Variants in HTRA1 observed in about 807,000 individuals in gnomAD.
HTRA1 encodes the protein serine protease HTRA1.
Under a neutral mutation model 49.7 loss-of-function variants are expected in HTRA1, and 26 were observed. The ratio of observed to expected loss-of-function variants is 0.52; its 90% CI spans 0.38 to 0.73. The LOEUF is 0.73. Ranked by LOEUF, HTRA1 falls within the 30% of genes least tolerant of loss-of-function variation. HTRA1 has a pLI of 0.00. For synonymous variants in HTRA1, 291 were observed against 286.9 expected (o/e 1.01, Z -0.14); for missense variants, 561 against 667.2 (o/e 0.84, Z 1.75).
intron 3 of HTRA1, among the ~76,000 whole-genome samples, chr10:122,504,655 G>T (rs918340682): frequency 4.6e-5 from 7 of 152,216 alleles, no homozygotes; most frequent in African/African-American, 1.7e-4. Flanking sequence ...CAGTGTCCCT[G>T]GTGGACCTCC....
chr10:122,461,728 C>G lies in HTRA1; in HGVS notation c.76C>G (p.Arg26Gly), dbSNP rs1221335148. ...GGCGCCCGCCTCGGCGCAGCTGTCC[C>G]GGGCCGGCCGCTCGGCGCCTTTGGC... is the stretch of plus-strand genomic sequence containing the variant. ...LAAPASAQLS[R>G]AGRSAPLAAG... Residue 26 changes from arginine to glycine, a missense_variant, in exon 1 of 9, where the codon CGG (arginine) becomes GGG (glycine). By Grantham distance (125) the Arg-to-Gly change is moderately radical. Around this residue, in one of 3 missense-constraint regions of HTRA1, gnomAD observed 111 missense variants for 83.7 expected, o/e 1.33. Transcript: ENST00000368984. 1 of 1,181,512 alleles carries G rather than the reference C, an allele frequency of 8.5e-7. No individual in the cohort carries two copies. The allele number at this position is 1,181,512 out of a possible 1,614,324, so 73.2% of individuals were successfully genotyped here.
rs1426279506 is a variant in HTRA1, at chr10:122,464,142, T to C, written c.472+2018T>C. On this transcript the variant is annotated intron_variant, in intron 1 of 8. Coordinates refer to ENST00000368984, the MANE Select transcript of HTRA1 (RefSeq NM_002775.5). The surrounding 1 kb of genome is among the most constrained non-coding windows in gnomAD (Gnocchi z 4.8). ...GTGAGGCGACAACATTGAAAAAGCATGTTTTTGTCCAAAACAAGCCAGCTG... is the reference window on the plus strand; with the variant it reads ...GTGAGGCGACAACATTGAAAAAGCACGTTTTTGTCCAAAACAAGCCAGCTG... Among the ~76,000 whole-genome samples, 1 of 152,204 alleles carries C rather than the reference T, an allele frequency of 6.6e-6. No individual in the cohort carries two copies. The highest frequency in any genetic ancestry group is 6.5e-5 in the Admixed American group (1 of 15,276).
At chr10:122,462,696 G>A (rs1280390555) in intron 1 of HTRA1, among the ~76,000 whole-genome samples, 1 of 152,240 alleles carries the variant, frequency 6.6e-6, no homozygotes, top group Non-Finnish European at 1.5e-5. Flanking sequence ...AGCAGGGAAC[G>A]GTTTGGCACC....
chr10:122,489,770 T>G (rs1275938362), intron 3 of HTRA1, 144 bp downstream of exon 3: 1 of 782,968 alleles, frequency 1.3e-6, no homozygotes, highest in Admixed American at 2.0e-5. Context: ...CTTGAGGAGA[T>G]GCTGAGTATG....
Position 122,514,420 on chromosome 10 carries a change from G to A in HTRA1, c.*61G>A. ...AGACTCTCCCGTGGATGACGGATGA[G>A]GACTCTGGGCTGCTGGAATAGGACA... On this transcript the variant is annotated 3_prime_UTR_variant, in exon 9 of 9. Coordinates refer to ENST00000368984, the MANE Select transcript of HTRA1 (RefSeq NM_002775.5). The A allele has an allele frequency of 6.5e-7, 1 of 1,546,054 alleles. No homozygotes were observed. The highest frequency in any genetic ancestry group is 1.1e-5 in the South Asian group (1 of 89,376).
chr10:122,462,035 A>T lies in HTRA1; in HGVS notation c.383A>T (p.Asn128Ile). 1 of 1,532,878 alleles carries T rather than the reference A, an allele frequency of 6.5e-7. No individual in the cohort carries two copies. The highest frequency in any genetic ancestry group is 1.2e-5 in the South Asian group (1 of 83,902). 95.0% of individuals were successfully genotyped at this position (1,532,878 alleles called of 1,614,324 possible). A position where few individuals can be genotyped will look rare whatever the true frequency, so the allele number is the denominator to read the frequency against. ...VCGSDANTYA[N>I]LCQLRAASRR... ...GGCAGCGACGCCAACACCTACGCCA[A>T]CCTGTGCCAGCTGCGCGCCGCCAGC... The change falls in exon 1 of 9, where the codon AAC (asparagine) becomes ATC (isoleucine). Residue 128 changes from asparagine (N) to isoleucine (I), a missense_variant. Physicochemically the swap from Asn to Ile is moderately radical, Grantham distance 149. This residue lies in a region of HTRA1 where 271 missense variants were observed against 410.0 expected (regional missense o/e 0.66). Coordinates refer to ENST00000368984, the MANE Select transcript of HTRA1 (RefSeq NM_002775.5).
Position 122,509,980 on chromosome 10 carries a change from G to GT in HTRA1, c.1121-115dup, listed in dbSNP as rs2097504864. On this transcript the variant is annotated intron_variant, in intron 6 of 8. Transcript: ENST00000368984. ...GACCAGGATTTGAGCCGCAACCTCA[G>GT]TGTACCCTTCTGTGGCCCTTCCTGC... The GT allele has an allele frequency of 1.4e-5, 12 of 834,592 alleles. No homozygotes were observed. In the Admixed American group the frequency reaches 2.2e-4, roughly 15 times the overall value. The allele number at this position is 834,592 out of a possible 1,614,324, so 51.7% of individuals were successfully genotyped here. A position where few individuals can be genotyped will look rare whatever the true frequency, so the allele number is the denominator to read the frequency against.
chr10:122,490,853 T>C lies in HTRA1; in HGVS notation c.777+1227T>C, dbSNP rs899562990. Among the ~76,000 whole-genome samples, 16 of 152,308 alleles carry C rather than the reference T, an allele frequency of 1.1e-4. No homozygotes were observed. The highest frequency in any genetic ancestry group is 3.4e-4 in the African/African-American group (14 of 41,556). On this transcript the variant is annotated intron_variant, in intron 3 of 8. Coordinates refer to ENST00000368984, the MANE Select transcript of HTRA1 (RefSeq NM_002775.5). The surrounding 1 kb of genome is among the most constrained non-coding windows in gnomAD (Gnocchi z 4.2). ...TTATAACATCAAGTTGCTGCCCAGC[T>C]CAGGCTCCTTTACGGCCAGTCTTCA...
chr10:122,463,165 G>A (rs1282047238), intron 1 of HTRA1, among the ~76,000 whole-genome samples: 1 of 152,274 alleles, frequency 6.6e-6, no homozygotes, highest in African/African-American at 2.4e-5. Context: ...GGGCATAGGG[G>A]AGCACAGTGC....
Position 122,506,964 on chromosome 10 carries a change from C to T in HTRA1, c.972+79C>T. ...AGAGGAGTCAGCATAGGTCTTAGCC[C>T]CTGACTTTGTTGTAGTCTGCGTGAA... is the stretch of plus-strand genomic sequence containing the variant. On this transcript the variant is annotated intron_variant, in intron 4 of 8. Transcript: ENST00000368984. The surrounding 1 kb of genome is among the most constrained non-coding windows in gnomAD (Gnocchi z 5.2). 7.7e-7 allele frequency: 1 copy of T among 1,306,330 alleles called. No individual in the cohort carries two copies. Among genetic ancestry groups the T allele is most frequent in the Non-Finnish European group, 1.1e-6 (1 of 919,544 alleles). The allele number at this position is 1,306,330 out of a possible 1,614,324, so 80.9% of individuals were successfully genotyped here.
Position 122,506,423 on chromosome 10 carries a change from C to T in HTRA1, c.778-268C>T, listed in dbSNP as rs1365961006. On this transcript the variant is annotated intron_variant, in intron 3 of 8. Coordinates refer to ENST00000368984, the MANE Select transcript of HTRA1 (RefSeq NM_002775.5). This position sits in a 1 kb window ranked among gnomAD's most constrained non-coding sequence, Gnocchi z 5.2. ...ATGTGATGAGACCCCGACTTGGCCT[C>T]CAGTTACCTCCCCACGGTTTCCTTG... Among the ~76,000 whole-genome samples the T allele has an allele frequency of 6.6e-6, 1 of 152,168 alleles. No individual in the cohort carries two copies. The highest frequency in any genetic ancestry group is 2.4e-5 in the African/African-American group (1 of 41,438).
At chr10:122,486,726 G>A (rs1417343900) in intron 1 of HTRA1, among the ~76,000 whole-genome samples, 1 of 150,178 alleles carries the variant, frequency 6.7e-6, no homozygotes, top group African/African-American at 2.4e-5. Context: ...TGCCACTCTA[G>A]TGATGAGAGA....
chr10:122,503,236 T>G (rs1222144809), intron 3 of HTRA1, among the ~76,000 whole-genome samples: 1 of 152,246 alleles, frequency 6.6e-6, no homozygotes, highest in Non-Finnish European at 1.5e-5. Flanking sequence ...ATATCTGTGC[T>G]GCATCTCTTC....
intron 7 of HTRA1, 63 bp downstream of exon 7, chr10:122,510,216 T>C: frequency 3.7e-6 from 5 of 1,346,468 alleles, no homozygotes; most frequent in South Asian, 1.2e-5. Flanking sequence ...CAGAAGGTGC[T>C]CACGGGCACC....
At chr10:122,500,541 G>A (rs2097500454) in intron 3 of HTRA1, among the ~76,000 whole-genome samples, 2 of 152,204 alleles carry the variant, frequency 1.3e-5, no homozygotes, top group African/African-American at 4.8e-5. Context: ...ATAGGACCAA[G>A]ACCCAGCCCA....
intron 3 of HTRA1, among the ~76,000 whole-genome samples, chr10:122,501,669 C>T (rs1371522084): frequency 6.6e-6 from 1 of 152,080 alleles, no homozygotes; most frequent in African/African-American, 2.4e-5. Flanking sequence ...GTGCTGAGGT[C>T]GCTGCTTGAT....
intron 8 of HTRA1, among the ~76,000 whole-genome samples, chr10:122,513,171 C>T (rs1429094170): frequency 6.6e-6 from 1 of 152,138 alleles, no homozygotes; most frequent in Non-Finnish European, 1.5e-5. Flanking sequence ...CTTGTGCTAG[C>T]CCATGAAGGA....
rs1433663458 is a variant in HTRA1, at chr10:122,462,062, G to A, written c.410G>A (p.Arg137His). The change falls in exon 1 of 9, where the codon CGC (arginine) becomes CAC (histidine). Residue 137 changes from arginine (R) to histidine (H), a missense_variant. Arg to His is a conservative substitution (Grantham distance 29). Coordinates refer to ENST00000368984, the MANE Select transcript of HTRA1 (RefSeq NM_002775.5). ...CTGTGCCAGCTGCGCGCCGCCAGCCGCCGCTCCGAGAGGCTGCACCGGCCG... is the reference window on the plus strand; with the variant it reads ...CTGTGCCAGCTGCGCGCCGCCAGCCACCGCTCCGAGAGGCTGCACCGGCCG... ...ANLCQLRAAS[R>H]RSERLHRPPV... is the part of the protein sequence containing the mutation. 2 of 1,535,648 alleles carry A rather than the reference G, an allele frequency of 1.3e-6. No individual in the cohort carries two copies. Among genetic ancestry groups the A allele is most frequent in the Non-Finnish European group, 1.7e-6 (2 of 1,147,560 alleles).
chr10:122,496,295 A>G (rs1010464286), intron 3 of HTRA1, among the ~76,000 whole-genome samples: 1 of 119,636 alleles, frequency 8.4e-6, no homozygotes, highest in African/African-American at 3.3e-5. Flanking sequence ...ACAATAGCAG[A>G]GGGAGGCCTT....
Sources: allele counts gnomAD v4.1 joint callset (sites outside exome capture counted in the v4.1 genomes callset), GRCh38; gene constraint gnomAD v4.1.1; regional missense constraint gnomAD v4.1.1; non-coding constraint Gnocchi (gnomAD v3.1); transcripts MANE v1.5; gene names NCBI Gene and HGNC (gene_info 2026-07-23, HGNC 2026-07-21).